ANKRD44: variants seen among roughly 807,000 people sequenced by gnomAD.
The protein encoded by ANKRD44 is serine/threonine-protein phosphatase 6 regulatory ankyrin repeat subunit B.
A neutral mutation model predicts 116.0 loss-of-function variants in ANKRD44; 35 were observed. That is an observed-to-expected ratio of 0.30 (90% confidence interval 0.23 to 0.40). The LOEUF is 0.40. Among genes scored for constraint, ANKRD44 ranks in the 10% least tolerant of loss-of-function variants. The probability of loss-of-function intolerance (pLI) is 1.00; values close to 1 mark genes in which losing one functional copy is unlikely to be tolerated. For synonymous variants in ANKRD44, 435 were observed against 461.8 expected (o/e 0.94, Z 0.74); for missense variants, 1,014 against 1,242.6 (o/e 0.82, Z 2.77).
At chr2:197,036,197 C>T (rs2076803473) in intron 16 of ANKRD44, among the ~76,000 whole-genome samples, 1 of 152,174 alleles carries the variant, frequency 6.6e-6, no homozygotes. Flanking sequence ...TCTCCCCCGA[C>T]TCCAATTCCA....
At chr2:197,111,373 T>C (rs1574476543) in intron 8 of ANKRD44, among the ~76,000 whole-genome samples, 1 of 152,350 alleles carries the variant, frequency 6.6e-6, no homozygotes, top group East Asian at 1.9e-4. Flanking sequence ...CCGGTCGTGG[T>C]GGCTCACACC....
In ANKRD44 at chr2:197,115,952, A is replaced by G. The variant is rs184923709; in HGVS notation, c.907-5108T>C. 1.5e-3 allele frequency among the ~76,000 whole-genome samples: 228 copies of G among 152,344 alleles called. 4 individuals carry two copies. The highest frequency in any genetic ancestry group is 5.4e-3 in the African/African-American group (223 of 41,576). On this transcript the variant is annotated intron_variant, in intron 8 of 27. Coordinates refer to ENST00000282272, the MANE Select transcript of ANKRD44 (RefSeq NM_001195144.2). ...AGATTTGATTCAAAATCCTATTTAC[A>G]CAGAGTCAATCATAATAAACTCAAA...
In ANKRD44 at chr2:197,203,021, C is replaced by T. The variant is rs549523957; in HGVS notation, c.28-15915G>A. On this transcript the variant is annotated intron_variant, in intron 1 of 27. Transcript: ENST00000282272. The surrounding 1 kb of genome is among the most constrained non-coding windows in gnomAD (Gnocchi z 4.1). ...TTAGGGATGCAAATCCTAGCACAAGCGCTTGCAAAGGCTCTCCAGGTGACT... is the reference window on the plus strand; with the variant it reads ...TTAGGGATGCAAATCCTAGCACAAGTGCTTGCAAAGGCTCTCCAGGTGACT... Among the ~76,000 whole-genome samples, 101 of 152,202 alleles carry T rather than the reference C, an allele frequency of 6.6e-4. No individual in the cohort carries two copies. The highest frequency in any genetic ancestry group is 2.3e-3 in the African/African-American group (96 of 41,516).
At chr2:197,274,910 A>G (rs1471355017) in intron 1 of ANKRD44, among the ~76,000 whole-genome samples, 1 of 152,072 alleles carries the variant, frequency 6.6e-6, no homozygotes, top group Non-Finnish European at 1.5e-5. Context: ...CCTGGGCAAT[A>G]TAGAGAAACC....
intron 1 of ANKRD44, among the ~76,000 whole-genome samples, chr2:197,221,306 C>A (rs1160404347): frequency 6.6e-6 from 1 of 151,366 alleles, no homozygotes; most frequent in South Asian, 2.1e-4. Flanking sequence ...GAGACAGAGT[C>A]TTACTCTGTT....
chr2:197,040,921 T>C (rs1366101866), intron 16 of ANKRD44, among the ~76,000 whole-genome samples: 1 of 152,220 alleles, frequency 6.6e-6, no homozygotes, highest in African/African-American at 2.4e-5. Context: ...TTTTCAAAAA[T>C]TGTTTAACAC....
At chr2:197,243,875 G>T (rs1240640315) in intron 1 of ANKRD44, among the ~76,000 whole-genome samples, 1 of 152,100 alleles carries the variant, frequency 6.6e-6, no homozygotes. Context: ...TATGAATTTT[G>T]GTGGGGACAC....
intron 1 of ANKRD44, among the ~76,000 whole-genome samples, chr2:197,303,303 G>A (rs1433446698): frequency 6.6e-6 from 1 of 152,212 alleles, no homozygotes; most frequent in Non-Finnish European, 1.5e-5. Flanking sequence ...GAGCTTGGAA[G>A]AATTTAGAGA....
At chr2:197,059,806 A>C (rs1240892088) in intron 16 of ANKRD44, among the ~76,000 whole-genome samples, 1 of 152,248 alleles carries the variant, frequency 6.6e-6, no homozygotes, top group Non-Finnish European at 1.5e-5. Flanking sequence ...AACTATCATC[A>C]AAAGAAAAAT....
intron 1 of ANKRD44, among the ~76,000 whole-genome samples, chr2:197,278,764 C>G (rs757148428): frequency 6.6e-6 from 1 of 152,240 alleles, no homozygotes; most frequent in Non-Finnish European, 1.5e-5. Context: ...CCCACCACCC[C>G]TTTCCTTTCT....
chr2:197,065,067 A>G (rs897103916), intron 16 of ANKRD44, among the ~76,000 whole-genome samples: 1 of 152,220 alleles, frequency 6.6e-6, no homozygotes, highest in African/African-American at 2.4e-5. Context: ...AGCACTCCTC[A>G]GCAAATGTAA....
chr2:197,074,615 G>A (rs1326489857), intron 16 of ANKRD44, among the ~76,000 whole-genome samples: 1 of 152,126 alleles, frequency 6.6e-6, no homozygotes, highest in Admixed American at 6.6e-5. Context: ...AGGACTACAG[G>A]TGCACATCAC....
intron 12 of ANKRD44, 74 bp downstream of exon 12, chr2:197,088,637 C>A: frequency 1.1e-6 from 1 of 948,746 alleles, no homozygotes; most frequent in Non-Finnish European, 1.5e-6. Context: ...GCCTTTGATT[C>A]ACAGACAACT....
intron 1 of ANKRD44, among the ~76,000 whole-genome samples, chr2:197,269,091 G>GTTTTT (rs1553544756): frequency 7.3e-5 from 11 of 151,586 alleles, no homozygotes; most frequent in East Asian, 5.8e-4. Flanking sequence ...TTTTGTTTTT[G>GTTTTT]TTTTTGATCT....
At position 196,993,655 on chromosome 2, in the gene ANKRD44, G is replaced by A. The variant is rs760008651; in HGVS notation, c.2851C>T (p.Arg951Cys). The A allele has an allele frequency of 2.7e-5, 42 of 1,550,856 alleles. No homozygotes were observed. Among genetic ancestry groups the A allele is most frequent in the Middle Eastern group, 1.7e-4 (1 of 6,020 alleles). Residue 951 changes from arginine to cysteine, a missense_variant, in exon 27 of 28, where the codon CGC becomes TGC. Physicochemically the swap from Arg to Cys is radical, Grantham distance 180 (BLOSUM62 -3). Coordinates refer to ENST00000282272, the MANE Select transcript of ANKRD44 (RefSeq NM_001195144.2). ...TCAACTACCACCTTTAAGCCATTGC[G>A]CGCAGCGACGTGGAGGGGTCTAAAA... ...ALQTPLHVAARNGLKVVVEEL... is the reference protein window; with the variant it reads ...ALQTPLHVAACNGLKVVVEEL...
intron 17 of ANKRD44, among the ~76,000 whole-genome samples, chr2:197,023,533 T>C (rs1022715055): frequency 6.6e-6 from 1 of 152,162 alleles, no homozygotes; most frequent in African/African-American, 2.4e-5. Flanking sequence ...CCATAGAGTT[T>C]AGCAGAGTAC....
intron 16 of ANKRD44, among the ~76,000 whole-genome samples, chr2:197,076,268 C>T (rs1048791444): frequency 2.0e-5 from 3 of 152,158 alleles, no homozygotes; most frequent in Non-Finnish European, 2.9e-5. Flanking sequence ...CCTGCGAAGA[C>T]GGCTATTTGT....
In ANKRD44 at chr2:197,201,401, TGGCACTA is replaced by T. The variant is rs1367960174; in HGVS notation, c.28-14302_28-14296del. On this transcript the variant is annotated intron_variant, in intron 1 of 27. Coordinates refer to ENST00000282272, the MANE Select transcript of ANKRD44 (RefSeq NM_001195144.2). This position sits in a 1 kb window ranked among gnomAD's most constrained non-coding sequence, Gnocchi z 4.0. ...GAATTTTGAATGCCCGTTGCCTCCG[TGGCACTA>T]GGCAACCACAAAGGCAACTGAGGTC... is the stretch of plus-strand genomic sequence containing the variant. 2.6e-5 allele frequency among the ~76,000 whole-genome samples: 4 copies of T among 152,138 alleles called. No homozygotes were observed. The highest frequency in any genetic ancestry group is 9.7e-5 in the African/African-American group (4 of 41,392).
chr2:196,982,929 A>G (rs1044814953), downstream of ANKRD44, among the ~76,000 whole-genome samples: 5 of 152,224 alleles, frequency 3.3e-5, no homozygotes, highest in Non-Finnish European at 5.9e-5. Context: ...ACACAGGAAC[A>G]GAAAATCAAA....
Sources: allele counts gnomAD v4.1 joint callset (sites outside exome capture counted in the v4.1 genomes callset), GRCh38; gene constraint gnomAD v4.1.1; non-coding constraint Gnocchi (gnomAD v3.1); transcripts MANE v1.5; gene names NCBI Gene and HGNC (gene_info 2026-07-23, HGNC 2026-07-21).